LRRC28: variants seen among roughly 807,000 people sequenced by gnomAD.
LRRC28 encodes the protein leucine rich repeat containing 28.
A neutral mutation model predicts 45.7 loss-of-function variants in LRRC28; 39 were observed. The observed-to-expected ratio is 0.85, with a 90% CI of 0.66 to 1.12. The LOEUF (loss-of-function observed/expected upper bound fraction) is 1.12. Ranked by LOEUF, LRRC28 falls within the 50% of genes most tolerant of loss-of-function variation. LRRC28 has a pLI of 0.00. For synonymous variants in LRRC28, 206 were observed against 178.8 expected (o/e 1.15, Z -1.22); for missense variants, 435 against 438.5 (o/e 0.99, Z 0.07).
At chr15:99,292,846 C>T (rs1324809510) in intron 5 of LRRC28, among the ~76,000 whole-genome samples, 1 of 152,232 alleles carries the variant, frequency 6.6e-6, no homozygotes, top group East Asian at 1.9e-4. Context: ...GTGCTTCTCA[C>T]TCTGGAGTTG....
intron 5 of LRRC28, among the ~76,000 whole-genome samples, chr15:99,288,691 T>C (rs1382579791): frequency 6.6e-6 from 1 of 151,644 alleles, no homozygotes; most frequent in Non-Finnish European, 1.5e-5. Flanking sequence ...ACTTTTTTTT[T>C]CTGTTTTTAA....
In LRRC28 at chr15:99,316,715, TAAAA is replaced by T. The variant is rs142753859; in HGVS notation, c.386-17193_386-17190del. ...AGGTAGGATTTAAATAGAAAACTCT[TAAAA>T]AAAAAAAAAAAAAACTCTTTGAACA... On this transcript the variant is annotated intron_variant, in intron 5 of 9. Coordinates refer to ENST00000301981, the MANE Select transcript of LRRC28 (RefSeq NM_144598.5). Among the ~76,000 whole-genome samples the T allele has an allele frequency of 3.9e-3, 572 of 145,290 alleles. 3 individuals carry two copies. Among genetic ancestry groups the T allele is most frequent in the African/African-American group, 0.011 (418 of 39,580 alleles).
Position 99,275,726 on chromosome 15 carries a change from C to T in LRRC28, c.169-850C>T, listed in dbSNP as rs72758807. Among the ~76,000 whole-genome samples, 217 of 152,264 alleles carry T rather than the reference C, an allele frequency of 1.4e-3. 3 individuals are homozygous for T. Among genetic ancestry groups the T allele is most frequent in the Admixed American group, 0.01 (157 of 15,292 alleles). On this transcript the variant is annotated intron_variant, in intron 2 of 9. Transcript: ENST00000301981. ...CTTGCTGGGAGTGGCCGGCAACCTT[C>T]GGTGTTCCTCAGCTTCCAGTTACAT...
At chr15:99,257,569 G>C (rs1215255390) in intron 2 of LRRC28, 1 of 548,976 alleles carries the variant, frequency 1.8e-6, no homozygotes, top group Admixed American at 2.9e-5. Context: ...CAACCCGGGG[G>C]TGAGAGGGTG....
At chr15:99,266,528 CAGTT>C (rs1194943464) in intron 2 of LRRC28, among the ~76,000 whole-genome samples, 2 of 151,892 alleles carry the variant, frequency 1.3e-5, no homozygotes, top group Non-Finnish European at 2.9e-5. Context: ...GTGTTGGAGA[CAGTT>C]AGGAGAAGAT....
chr15:99,384,338 A>G (rs1489613758), intron 9 of LRRC28: 1 of 152,218 alleles, frequency 6.6e-6, no homozygotes, highest in Non-Finnish European at 1.5e-5. Context: ...GTGCCTGTCT[A>G]GAGGCTCCCA....
At chr15:99,283,224 T>C (rs938076771) in intron 3 of LRRC28, among the ~76,000 whole-genome samples, 1 of 152,158 alleles carries the variant, frequency 6.6e-6, no homozygotes, top group South Asian at 2.1e-4. Context: ...TTTTTTATTT[T>C]GGAACAATTT....
At chr15:99,269,336 G>A (rs974023291) in intron 2 of LRRC28, among the ~76,000 whole-genome samples, 12 of 152,010 alleles carry the variant, frequency 7.9e-5, no homozygotes, top group African/African-American at 2.7e-4. Flanking sequence ...ATTTGAAAGA[G>A]CTGAGTTTAA....
At chr15:99,291,667 A>G (rs1386783886) in intron 5 of LRRC28, among the ~76,000 whole-genome samples, 1 of 152,194 alleles carries the variant, frequency 6.6e-6, no homozygotes, top group East Asian at 1.9e-4. Context: ...AAGACTTAAC[A>G]TTTTACCATG....
intron 5 of LRRC28, among the ~76,000 whole-genome samples, chr15:99,317,155 C>T (rs1955627929): frequency 6.6e-6 from 1 of 152,092 alleles, no homozygotes. Context: ...TTTCGTTTCC[C>T]TTGAGCAGGG....
chr15:99,278,259 A>T (rs77858317), intron 3 of LRRC28, among the ~76,000 whole-genome samples: 12,008 of 151,910 alleles, frequency 0.079, 538 homozygotes, highest in African/African-American at 0.11. Flanking sequence ...TTAAAAAAAA[A>T]TTTTTTAAGA....
intron 2 of LRRC28, 89 bp downstream of exon 2, chr15:99,256,214 A>G (rs1251657345): frequency 2.0e-6 from 2 of 977,766 alleles, no homozygotes; most frequent in Non-Finnish European, 2.9e-6. Flanking sequence ...ATTCAGACCA[A>G]GACTTATATC....
intron 9 of LRRC28, among the ~76,000 whole-genome samples, chr15:99,385,555 A>C (rs1957957343): frequency 1.3e-5 from 2 of 152,328 alleles, no homozygotes; most frequent in South Asian, 4.1e-4. Context: ...TCTACGAGCA[A>C]CCTATGTGTA....
chr15:99,315,048 G>A (rs1174654831), intron 5 of LRRC28, among the ~76,000 whole-genome samples: 2 of 151,854 alleles, frequency 1.3e-5, no homozygotes, highest in African/African-American at 2.4e-5. Context: ...TACTCCAAAG[G>A]AATAAAATAG....
chr15:99,257,241 T>C (rs1401696171), intron 2 of LRRC28, among the ~76,000 whole-genome samples: 1 of 152,232 alleles, frequency 6.6e-6, no homozygotes, highest in East Asian at 1.9e-4. Context: ...TTTCTGAAAT[T>C]AGATTTTTCA....
intron 6 of LRRC28, 48 bp downstream of exon 6, chr15:99,334,177 G>A: frequency 1.1e-5 from 17 of 1,601,602 alleles, no homozygotes; most frequent in Non-Finnish European, 1.5e-5. Context: ...AAGATGGAAA[G>A]CCTTTGTTTC....
At chr15:99,303,610 G>A (rs1955064487) in intron 5 of LRRC28, among the ~76,000 whole-genome samples, 1 of 152,092 alleles carries the variant, frequency 6.6e-6, no homozygotes, top group Admixed American at 6.5e-5. Flanking sequence ...GAGGTGGGAG[G>A]ATCACTTGAG....
At chr15:99,337,723 C>T (rs771027627) in intron 6 of LRRC28, 6 of 152,190 alleles carry the variant, frequency 3.9e-5, no homozygotes, top group Non-Finnish European at 7.3e-5. Context: ...TTGAAGTAAC[C>T]ACAACTCCCA....
chr15:99,256,661 A>G (rs1453941488), intron 2 of LRRC28, among the ~76,000 whole-genome samples: 2 of 152,232 alleles, frequency 1.3e-5, no homozygotes, highest in Non-Finnish European at 2.9e-5. Flanking sequence ...ATGATTTTGA[A>G]TTGGGCTAGC....
Sources: gnomAD v4.1 joint callset for allele counts (sites outside exome capture counted in the v4.1 genomes callset) on GRCh38, gnomAD v4.1.1 for gene constraint, MANE v1.5 for transcripts, NCBI Gene and HGNC (gene_info 2026-07-23, HGNC 2026-07-21) for gene names.